The following ARHGAP26 variants were observed in gnomAD, a reference collection of about 807,000 sequenced individuals.
ARHGAP26 encodes the protein rho GTPase-activating protein 26.
In ARHGAP26, 38 loss-of-function variants were observed where a neutral mutation model predicts 104.8. The observed-to-expected ratio is 0.36, with a 90% CI of 0.28 to 0.48. The LOEUF (loss-of-function observed/expected upper bound fraction) is 0.48, where lower values mean the gene tolerates loss of function less well. ARHGAP26 is among the 20% of genes least tolerant of loss of function. The probability of loss-of-function intolerance (pLI) is 0.99; values close to 1 mark genes in which losing one functional copy is unlikely to be tolerated. For synonymous variants in ARHGAP26, 341 were observed against 340.0 expected, an observed-to-expected ratio of 1.00 and a Z score of -0.03; for missense variants, 704 against 947.9, an observed-to-expected ratio of 0.74 and a Z score of 3.38.
intron 17 of ARHGAP26, among the ~76,000 whole-genome samples, chr5:143,096,617 A>C (rs1792353961): frequency 6.6e-6 from 1 of 152,174 alleles, no homozygotes; most frequent in Admixed American, 6.5e-5. Flanking sequence ...TATTATATAA[A>C]AGGTGTGCTA....
At chr5:142,780,891 C>G (rs1054310623) in intron 1 of ARHGAP26, among the ~76,000 whole-genome samples, 2 of 152,210 alleles carry the variant, frequency 1.3e-5, no homozygotes, top group African/African-American at 4.8e-5. Context: ...TTTTGCATGA[C>G]ATCTCTCTCT....
chr5:142,820,265 G>A (rs1765868687), intron 1 of ARHGAP26, among the ~76,000 whole-genome samples: 1 of 152,142 alleles, frequency 6.6e-6, no homozygotes, highest in East Asian at 1.9e-4. Context: ...CAACTTCTTA[G>A]GATTGTTGTG....
At position 143,227,296 on chromosome 5, in the gene ARHGAP26, G is replaced by T. The variant is rs151202988; in HGVS notation, c.*4850G>T. The stretch of plus-strand genomic sequence containing the variant: ...TTAGCTACCTGACTTTAAAAGGAAT[G>T]ACCTAGGTGTTCTGCCAAAGGAGTT... On this transcript the variant is annotated 3_prime_UTR_variant, in exon 23 of 23. Coordinates refer to ENST00000645722, the MANE Select transcript of ARHGAP26 (RefSeq NM_001135608.3). 1.3e-3 allele frequency: 306 copies of T among 230,562 alleles called. 3 individuals are homozygous for T. Among genetic ancestry groups the T allele is most frequent in the African/African-American group, 6.5e-3 (294 of 45,292 alleles). 14.3% of individuals were successfully genotyped at this position (230,562 alleles called of 1,614,324 possible). A position where few individuals can be genotyped will look rare whatever the true frequency, so the allele number is the denominator to read the frequency against.
At chr5:143,142,144 T>C (rs1309288640) in intron 19 of ARHGAP26, among the ~76,000 whole-genome samples, 6 of 144,984 alleles carry the variant, frequency 4.1e-5, no homozygotes, top group Non-Finnish European at 9.0e-5. Context: ...CTTTTTTTTT[T>C]TTTTTTTTTT....
chr5:143,037,350 T>G (rs1211884064), intron 13 of ARHGAP26, 89 bp downstream of exon 13: 1 of 1,137,650 alleles, frequency 8.8e-7, no homozygotes, highest in South Asian at 1.7e-5. Context: ...TTCCTGACTT[T>G]AAGTGACTCA....
At chr5:143,077,036 G>C (rs766901280) in intron 17 of ARHGAP26, among the ~76,000 whole-genome samples, 1 of 152,206 alleles carries the variant, frequency 6.6e-6, no homozygotes, top group Non-Finnish European at 1.5e-5. Flanking sequence ...TCTAGATAGT[G>C]CCACATTATT....
chr5:142,830,811 G>A (rs1486551202), intron 1 of ARHGAP26, among the ~76,000 whole-genome samples: 2 of 152,180 alleles, frequency 1.3e-5, no homozygotes, highest in Admixed American at 1.3e-4. Context: ...CACTCAGCCA[G>A]ACTGCGCCGT....
chr5:142,863,402 C>T (rs898526721), intron 1 of ARHGAP26, among the ~76,000 whole-genome samples: 2 of 152,156 alleles, frequency 1.3e-5, no homozygotes, highest in African/African-American at 4.8e-5. Flanking sequence ...CCACTGCGCC[C>T]GGCCTCAAGT....
At position 143,228,878 on chromosome 5, in the gene ARHGAP26, A is replaced by G. The variant is rs1279104087; in HGVS notation, c.*6432A>G. On this transcript the variant is annotated 3_prime_UTR_variant, in exon 23 of 23. Transcript: ENST00000645722. Reference sequence around the variant, plus strand: ...TTTGTGTCACCAAATATATCTATAAAGAAAACAAAATTTCTGTTCAGAGGC... The same window carrying G: ...TTTGTGTCACCAAATATATCTATAAGGAAAACAAAATTTCTGTTCAGAGGC... 1 of 188,082 alleles carries G rather than the reference A, an allele frequency of 5.3e-6. No individual in the cohort carries two copies. The highest frequency in any genetic ancestry group is 1.1e-5 in the Non-Finnish European group (1 of 89,236). The allele number at this position is 188,082 out of a possible 1,614,324, so 11.7% of individuals were successfully genotyped here.
At chr5:142,921,093 C>T (rs1463366808) in intron 10 of ARHGAP26, among the ~76,000 whole-genome samples, 2 of 152,198 alleles carry the variant, frequency 1.3e-5, no homozygotes. Flanking sequence ...GTTTTGCAAG[C>T]TTTCCATGAA....
Position 143,162,284 on chromosome 5 carries a change from TAC to T in ARHGAP26, c.1988+14930_1988+14931del, listed in dbSNP as rs34577770. Among the ~76,000 whole-genome samples, 382 of 147,340 alleles carry T rather than the reference TAC, an allele frequency of 2.6e-3. 1 individual carries two copies. The highest frequency in any genetic ancestry group is 3.4e-3 in the Non-Finnish European group (230 of 67,072). On this transcript the variant is annotated intron_variant, in intron 20 of 22. Transcript: ENST00000645722. ...GACACTCTACTCCCAAACACACACATACACACACACACACACACACACACACA... is the reference window on the plus strand; with the variant it reads ...GACACTCTACTCCCAAACACACACATACACACACACACACACACACACACA...
chr5:143,102,754 C>T (rs1205436017), intron 17 of ARHGAP26, among the ~76,000 whole-genome samples: 1 of 152,240 alleles, frequency 6.6e-6, no homozygotes, highest in East Asian at 1.9e-4. Flanking sequence ...CTCTTTGAAA[C>T]TTCTGTTTAA....
intron 17 of ARHGAP26, among the ~76,000 whole-genome samples, chr5:143,090,219 G>A (rs1791210754): frequency 6.6e-6 from 1 of 152,268 alleles, no homozygotes; most frequent in Admixed American, 6.5e-5. Flanking sequence ...ACTCCAGGCT[G>A]TAGAATCCTG....
chr5:142,895,837 A>G (rs1466453046), intron 6 of ARHGAP26, among the ~76,000 whole-genome samples: 1 of 152,210 alleles, frequency 6.6e-6, no homozygotes, highest in Non-Finnish European at 1.5e-5. Context: ...TTAAAAACAA[A>G]AAAAGATTAC....
intron 9 of ARHGAP26, among the ~76,000 whole-genome samples, chr5:142,909,231 A>G (rs997914646): frequency 6.6e-6 from 1 of 152,270 alleles, no homozygotes; most frequent in South Asian, 2.1e-4. Flanking sequence ...ATTCTGAATA[A>G]TTTCTCTTAC....
At chr5:143,179,631 A>C (rs1804012514) in intron 20 of ARHGAP26, among the ~76,000 whole-genome samples, 1 of 152,220 alleles carries the variant, frequency 6.6e-6, no homozygotes, top group African/African-American at 2.4e-5. Flanking sequence ...TCCAGAAGAC[A>C]TCTGGAAGGA....
chr5:143,047,813 A>AT (rs985169620), intron 14 of ARHGAP26, among the ~76,000 whole-genome samples: 1 of 151,792 alleles, frequency 6.6e-6, no homozygotes. Flanking sequence ...TCTTAAAAAA[A>AT]TTTTTTTTGT....
intron 3 of ARHGAP26, among the ~76,000 whole-genome samples, chr5:142,877,941 T>C (rs549917124): frequency 1.3e-5 from 2 of 152,312 alleles, no homozygotes; most frequent in African/African-American, 2.4e-5. Context: ...TTAAGTAACA[T>C]TGAATAACAA....
intron 20 of ARHGAP26, among the ~76,000 whole-genome samples, chr5:143,173,354 A>C (rs930865176): frequency 1.3e-5 from 2 of 152,196 alleles, no homozygotes; most frequent in African/African-American, 4.8e-5. Context: ...ATGCCTGAGA[A>C]GTAACAAACC....
Sources: allele counts gnomAD v4.1 joint callset (sites outside exome capture counted in the v4.1 genomes callset), GRCh38; gene constraint gnomAD v4.1.1; transcripts MANE v1.5; gene names NCBI Gene and HGNC (gene_info 2026-07-23, HGNC 2026-07-21).